C17orf75: variants seen among roughly 807,000 people sequenced by gnomAD.
C17orf75 encodes chromosome 17 open reading frame 75, also known as protein Njmu-R1.
C17orf75 carries 32 observed loss-of-function variants against 49.6 expected under a neutral mutation model. The observed-to-expected ratio is 0.65, with a 90% CI of 0.49 to 0.87. The LOEUF (loss-of-function observed/expected upper bound fraction) is 0.87. C17orf75 is among the 40% of genes least tolerant of loss of function. The pLI, the probability that C17orf75 is intolerant of heterozygous loss-of-function variation, is 0.00. For missense variants in C17orf75, 428 were observed against 473.9 expected (o/e 0.90, Z 0.90); for synonymous variants, 158 against 159.5 (o/e 0.99, Z 0.07).
chr17:32,348,622 A>C (rs1907071889), intron 1 of C17orf75, among the ~76,000 whole-genome samples: 1 of 152,176 alleles, frequency 6.6e-6, no homozygotes, highest in Non-Finnish European at 1.5e-5. Context: ...ATGAAGTTTA[A>C]CTGCCTTGCC....
At chr17:32,342,185 C>CTGCTCCCG (rs1443739474), upstream of C17orf75, 1 of 1,486,550 alleles carries the variant, frequency 6.7e-7, no homozygotes, top group Non-Finnish European at 9.0e-7. Flanking sequence ...AACCGCTCCC[C>CTGCTCCCG]TGCTCCCGTG....
chr17:32,337,454 C>T (rs892465060), intron 5 of C17orf75, among the ~76,000 whole-genome samples: 1 of 151,706 alleles, frequency 6.6e-6, no homozygotes. Flanking sequence ...CAAAGCAAGA[C>T]CCTGTCTAAA....
At position 32,338,304 on chromosome 17, in the gene C17orf75, T is replaced by C. The variant is rs368437103; in HGVS notation, c.395A>G (p.Glu132Gly). ...VGCYYCLFQN[E>G]KLLPETVTID... ...CGTTACTGTTTCAGGAAGCAGTTTT[T>C]CATTTTGGAAAAGGCAGTAATAACA... Residue 132 changes from glutamate (E) to glycine (G), a missense_variant, in exon 4 of 10, where the codon GAA becomes GGA. Glu to Gly is a moderately conservative substitution (Grantham distance 98). Coordinates refer to ENST00000577809, the MANE Select transcript of C17orf75 (RefSeq NM_022344.4). The C allele has an allele frequency of 2.5e-6, 4 of 1,611,906 alleles. No individual in the cohort carries two copies. In the African/African-American group the frequency reaches 5.3e-5, roughly 22 times the overall value.
rs567120784 is a variant in C17orf75, at chr17:32,338,039, T to C, written c.492-85A>G. 1.4e-5 allele frequency: 21 copies of C among 1,526,704 alleles called. No homozygotes were observed. In the African/African-American group the frequency reaches 1.6e-4, roughly 12 times the overall value. The allele number at this position is 1,526,704 out of a possible 1,614,324, so 94.6% of individuals were successfully genotyped here. A position where few individuals can be genotyped will look rare whatever the true frequency, so the allele number is the denominator to read the frequency against. On this transcript the variant is annotated intron_variant, in intron 4 of 9. Coordinates refer to ENST00000577809, the MANE Select transcript of C17orf75 (RefSeq NM_022344.4). ...AAGAAATATAAAATCTCTCAAATAA[T>C]GTGAGCTGCAAATGCAAACAAGCCA...
upstream of C17orf75, among the ~76,000 whole-genome samples, chr17:32,342,867 T>A (rs970583230): frequency 6.6e-6 from 1 of 152,198 alleles, no homozygotes; most frequent in African/African-American, 2.4e-5. Context: ...CTAACACCAA[T>A]TCACATTTTC....
upstream of C17orf75, among the ~76,000 whole-genome samples, chr17:32,344,396 T>G (rs559906444): frequency 1.3e-5 from 2 of 151,744 alleles, no homozygotes; most frequent in South Asian, 4.2e-4. Context: ...GGCAGGCGGA[T>G]CACAAGGTCA....
chr17:32,332,816 A>AT (rs879389425), intron 9 of C17orf75, among the ~76,000 whole-genome samples: 57 of 147,106 alleles, frequency 3.9e-4, no homozygotes, highest in African/African-American at 9.1e-4. Context: ...CCCCATCAGA[A>AT]TTTTTTTTTT....
At position 32,328,875 on chromosome 17, in the gene C17orf75, G is replaced by C. The variant is rs1327397569; in HGVS notation, c.*2888C>G. ...ACCACACTCCAGCCTGGGTGACAGA[G>C]CGAGATTCTGTCTTAAAAAATAAAA... On this transcript the variant is annotated 3_prime_UTR_variant, in exon 10 of 10. Coordinates refer to ENST00000577809, the MANE Select transcript of C17orf75 (RefSeq NM_022344.4). 3 of 150,256 alleles carry C rather than the reference G, an allele frequency of 2.0e-5. No individual in the cohort carries two copies. Among genetic ancestry groups the C allele is most frequent in the Non-Finnish European group, 4.4e-5 (3 of 67,790 alleles). 9.3% of individuals were successfully genotyped at this position (150,256 alleles called of 1,614,324 possible). A position where few individuals can be genotyped will look rare whatever the true frequency, so the allele number is the denominator to read the frequency against.
At position 32,338,255 on chromosome 17, in the gene C17orf75, T is replaced by C. The variant is rs2041344659; in HGVS notation, c.444A>G (p.Ser148=). 1.9e-6 allele frequency: 3 copies of C among 1,613,030 alleles called. No individual in the cohort carries two copies. Among genetic ancestry groups the C allele is most frequent in the African/African-American group, 1.3e-5 (1 of 74,912 alleles). The part of the protein sequence containing the change: ...TVTIDSERNP[S]EYVVCFLGGS... The stretch of plus-strand genomic sequence containing the variant: ...CTCCTAAAAAACAGACCACATATTC[T>C]GAAGGGTTACGTTCAGAGTCTATCG... Residue 148 remains serine, a synonymous_variant, in exon 4 of 10, where the codon TCA becomes TCG. Transcript: ENST00000577809.
Position 32,334,607 on chromosome 17 carries a change from T to G in C17orf75, c.735-2A>C. The G allele has an allele frequency of 6.2e-7, 1 of 1,611,204 alleles. No homozygotes were observed. The highest frequency in any genetic ancestry group is 8.5e-7 in the Non-Finnish European group (1 of 1,179,268). ...TGAAGACTGGCCACACTCAGAAACCTGCCACACACACAAGTCCATTTCCAC... is the reference window on the plus strand; with the variant it reads ...TGAAGACTGGCCACACTCAGAAACCGGCCACACACACAAGTCCATTTCCAC... On this transcript the variant is annotated splice_acceptor_variant, in intron 7 of 9. Transcript: ENST00000577809. LOFTEE classifies it high-confidence loss of function.
At chr17:32,337,138 C>A (rs2041333280) in intron 5 of C17orf75, among the ~76,000 whole-genome samples, 1 of 151,432 alleles carries the variant, frequency 6.6e-6, no homozygotes, top group South Asian at 2.1e-4. Flanking sequence ...TAGAGTGAGA[C>A]CCTATCTCAA....
At chr17:32,335,012 T>C (rs150075373) in intron 6 of C17orf75, among the ~76,000 whole-genome samples, 173 bp from the exon 7 acceptor site, 1 of 152,356 alleles carries the variant, frequency 6.6e-6, no homozygotes, top group East Asian at 1.9e-4. Context: ...TTTTATAGAA[T>C]CAAAATTGCT....
At chr17:32,346,191 A>C (rs2041423859), upstream of C17orf75, among the ~76,000 whole-genome samples, 1 of 152,066 alleles carries the variant, frequency 6.6e-6, no homozygotes, top group African/African-American at 2.4e-5. Context: ...AAGCTAAGGC[A>C]GGAGGATCAC....
In C17orf75 at chr17:32,329,720, A is replaced by T. The variant is rs985004565; in HGVS notation, c.*2043T>A. 6.6e-6 allele frequency: 1 copy of T among 152,208 alleles called. No homozygotes were observed. Among genetic ancestry groups the T allele is most frequent in the Non-Finnish European group, 1.5e-5 (1 of 68,044 alleles). The allele number at this position is 152,208 out of a possible 1,614,324, so 9.4% of individuals were successfully genotyped here. A position where few individuals can be genotyped will look rare whatever the true frequency, so the allele number is the denominator to read the frequency against. On this transcript the variant is annotated 3_prime_UTR_variant, in exon 10 of 10. Transcript: ENST00000577809. ...AAAATGAAGTATTTTTTCAGACTTA[A>T]AACGTTGATGTGCTAATGTAGCTTA... is the stretch of plus-strand genomic sequence containing the variant.
At chr17:32,334,188 C>A (rs958750886) in intron 8 of C17orf75, among the ~76,000 whole-genome samples, 1 of 152,128 alleles carries the variant, frequency 6.6e-6, no homozygotes, top group African/African-American at 2.4e-5. Context: ...GCTTCCAATT[C>A]CTTGCTTTTT....
chr17:32,335,410 A>G lies in C17orf75; in HGVS notation c.582T>C (p.Tyr194=). 3 of 1,613,954 alleles carry G rather than the reference A, an allele frequency of 1.9e-6. No homozygotes were observed. Among genetic ancestry groups the G allele is most frequent in the Non-Finnish European group, 8.5e-7 (1 of 1,179,854 alleles). ...CAACATCCTCAAACCAGCTGCTCAG[A>G]TAGGATTTTATGTGACTCTCCAGGC... is the stretch of plus-strand genomic sequence containing the variant. ...ARGLESHIKS[Y]LSSWFEDVVC... The change falls in exon 6 of 10, where the codon TAT becomes TAC. Residue 194 remains tyrosine (Y), a synonymous_variant. Transcript: ENST00000577809.
Position 32,338,320 on chromosome 17 carries a change from A to T in C17orf75, c.379T>A (p.Cys127Ser). ...IPGYRVGCYY[C>S]LFQNEKLLPE... is the part of the protein sequence containing the mutation. ...AGCAGTTTTTCATTTTGGAAAAGGCAGTAATAACAACCAACTCGGTAACCT... is the reference window on the plus strand; with the variant it reads ...AGCAGTTTTTCATTTTGGAAAAGGCTGTAATAACAACCAACTCGGTAACCT... The change falls in exon 4 of 10, where the codon TGC becomes AGC. Residue 127 changes from cysteine to serine, a missense_variant. Coordinates refer to ENST00000577809, the MANE Select transcript of C17orf75 (RefSeq NM_022344.4). 1 of 1,609,922 alleles carries T rather than the reference A, an allele frequency of 6.2e-7. No homozygotes were observed. The highest frequency in any genetic ancestry group is 8.5e-7 in the Non-Finnish European group (1 of 1,178,932).
At chr17:32,347,339 C>T (rs147446561) in intron 1 of C17orf75, among the ~76,000 whole-genome samples, 9 of 151,628 alleles carry the variant, frequency 5.9e-5, no homozygotes, top group East Asian at 5.8e-4. Flanking sequence ...AGTGCAATGG[C>T]GCAATCTCGG....
chr17:32,337,820 G>C (rs2041340263), intron 5 of C17orf75, 77 bp downstream of exon 5: 2 of 1,318,342 alleles, frequency 1.5e-6, no homozygotes, highest in Non-Finnish European at 1.1e-6. Context: ...GCCTCCCAAA[G>C]TGCTGGGATT....
Sources: allele counts gnomAD v4.1 joint callset (sites outside exome capture counted in the v4.1 genomes callset), GRCh38; gene constraint gnomAD v4.1.1; transcripts MANE v1.5; gene names NCBI Gene and HGNC (gene_info 2026-07-23, HGNC 2026-07-21).